NBEA: variants seen among roughly 807,000 people sequenced by gnomAD.
NBEA encodes the protein lysosomal-trafficking regulator 2.
NBEA carries 44 observed loss-of-function variants against 343.4 expected under a neutral mutation model. That is an observed-to-expected ratio of 0.13 (90% CI 0.10 to 0.16). NBEA has a LOEUF of 0.16. NBEA is among the 10% of genes least tolerant of loss of function. NBEA has a pLI of 1.00. For synonymous variants in NBEA, 1,175 were observed against 1,238.7 expected (o/e 0.95, Z 1.08); for missense variants, 2,555 against 3,631.3 (o/e 0.70, Z 7.62).
intron 41 of NBEA, among the ~76,000 whole-genome samples, chr13:35,541,946 T>C (rs1566292810): frequency 1.3e-5 from 2 of 152,076 alleles, no homozygotes; most frequent in Admixed American, 6.6e-5. Flanking sequence ...TCCCCATCTT[T>C]AGATAAGAAA....
intron 45 of NBEA, among the ~76,000 whole-genome samples, chr13:35,570,366 G>C (rs1566338691): frequency 1.3e-5 from 2 of 152,182 alleles, no homozygotes; most frequent in Non-Finnish European, 2.9e-5. Context: ...TCTGTGTAAT[G>C]TGTATTTCCT....
intron 11 of NBEA, among the ~76,000 whole-genome samples, chr13:35,099,202 T>TTG (rs1429935137): frequency 4.1e-5 from 6 of 147,512 alleles, no homozygotes; most frequent in East Asian, 2.0e-4. Context: ...GCTAAAGTTT[T>TTG]TTTTTTTTTT....
intron 38 of NBEA, among the ~76,000 whole-genome samples, chr13:35,376,363 A>C (rs1273830412): frequency 6.6e-6 from 1 of 152,120 alleles, no homozygotes; most frequent in Non-Finnish European, 1.5e-5. Context: ...ATTTAATTGC[A>C]CTGCTATAGT....
intron 28 of NBEA, chr13:35,179,839 T>G (rs1344048442): frequency 4.2e-6 from 4 of 950,424 alleles, no homozygotes; most frequent in East Asian, 1.2e-4. Flanking sequence ...CATTTTCCTT[T>G]GTAATAACTG....
chr13:35,334,571 CGTT>C (rs1052160053), intron 36 of NBEA, among the ~76,000 whole-genome samples: 26 of 152,124 alleles, frequency 1.7e-4, no homozygotes, highest in African/African-American at 2.4e-5. Flanking sequence ...TGCCCAGCCT[CGTT>C]GTAGTTTTGG....
intron 10 of NBEA, among the ~76,000 whole-genome samples, chr13:35,080,061 A>G (rs1269244743): frequency 6.6e-6 from 1 of 152,146 alleles, no homozygotes; most frequent in Non-Finnish European, 1.5e-5. Context: ...TTCTTTCTGC[A>G]CTGTGTAGTT....
At chr13:35,286,354 A>G (rs73169718) in intron 34 of NBEA, among the ~76,000 whole-genome samples, 10,426 of 152,166 alleles carry the variant, frequency 0.069, 365 homozygotes, top group African/African-American at 0.092. Context: ...ATATTTACTG[A>G]TAATATATTC....
chr13:35,107,799 G>A (rs548891920), intron 11 of NBEA, among the ~76,000 whole-genome samples: 2 of 152,118 alleles, frequency 1.3e-5, no homozygotes, highest in South Asian at 2.1e-4. Context: ...ATGTATGCAA[G>A]GGTGTTACAA....
intron 41 of NBEA, among the ~76,000 whole-genome samples, chr13:35,549,716 A>G (rs1299917970): frequency 6.6e-6 from 1 of 152,152 alleles, no homozygotes; most frequent in Non-Finnish European, 1.5e-5. Context: ...CTTTTCTCAA[A>G]CATCCTCAAC....
At chr13:35,192,111 AC>A (rs1265274158) in intron 30 of NBEA, among the ~76,000 whole-genome samples, 3 of 152,076 alleles carry the variant, frequency 2.0e-5, no homozygotes, top group African/African-American at 7.2e-5. Context: ...TGCTACAGAA[AC>A]TGATAAGAGC....
intron 18 of NBEA, among the ~76,000 whole-genome samples, chr13:35,150,904 T>C (rs1055884694): frequency 2.0e-5 from 3 of 151,788 alleles, no homozygotes; most frequent in Non-Finnish European, 4.4e-5. Flanking sequence ...TCACTTGAGA[T>C]CAGGAGTTTA....
chr13:35,107,766 G>A (rs918767181), intron 11 of NBEA, among the ~76,000 whole-genome samples: 2 of 151,914 alleles, frequency 1.3e-5, no homozygotes, highest in African/African-American at 4.8e-5. Flanking sequence ...AAAGTCTTGA[G>A]TTCTACCTTT....
At chr13:35,369,685 T>G (rs2041320610) in intron 38 of NBEA, among the ~76,000 whole-genome samples, 1 of 151,960 alleles carries the variant, frequency 6.6e-6, no homozygotes, top group African/African-American at 2.4e-5. Flanking sequence ...ACACTACTGA[T>G]TTTTTATGTT....
intron 1 of NBEA, among the ~76,000 whole-genome samples, chr13:35,015,151 A>C (rs1461029928): frequency 6.7e-5 from 10 of 149,366 alleles, no homozygotes; most frequent in Non-Finnish European, 1.5e-4. Context: ...AAACAAAAAA[A>C]AAAAACCACA....
At chr13:35,367,993 A>T (rs961007234) in intron 38 of NBEA, among the ~76,000 whole-genome samples, 1 of 151,470 alleles carries the variant, frequency 6.6e-6, no homozygotes, top group Non-Finnish European at 1.5e-5. Context: ...TAAAATTTTC[A>T]CCTTTCATTA....
intron 21 of NBEA, 98 bp from the exon 22 acceptor site, chr13:35,158,918 C>A: frequency 1.8e-6 from 2 of 1,110,114 alleles, no homozygotes; most frequent in Non-Finnish European, 2.5e-6. Context: ...AACTTTCTGG[C>A]ATTATTTTTT....
At chr13:35,301,264 T>C (rs542157471) in intron 35 of NBEA, among the ~76,000 whole-genome samples, 2 of 152,182 alleles carry the variant, frequency 1.3e-5, no homozygotes, top group East Asian at 3.9e-4. Flanking sequence ...CGTGGTTTGC[T>C]GCACCTGTCA....
At chr13:35,396,431 A>G (rs1033184451) in intron 38 of NBEA, among the ~76,000 whole-genome samples, 2 of 151,912 alleles carry the variant, frequency 1.3e-5, no homozygotes, top group East Asian at 3.9e-4. Context: ...CATTTTTCCT[A>G]TGTATTTTTG....
At chr13:35,294,951 G>GA (rs2036025290) in intron 35 of NBEA, among the ~76,000 whole-genome samples, 1 of 151,430 alleles carries the variant, frequency 6.6e-6, no homozygotes, top group African/African-American at 2.4e-5. Flanking sequence ...GAATGAGTCT[G>GA]TTCAACAGTG....
Sources: allele counts gnomAD v4.1 joint callset (sites outside exome capture counted in the v4.1 genomes callset), GRCh38; gene constraint gnomAD v4.1.1; transcripts MANE v1.5; gene names NCBI Gene and HGNC (gene_info 2026-07-23, HGNC 2026-07-21).